WWOX: variants seen among roughly 807,000 people sequenced by gnomAD.
The protein encoded by WWOX is WW domain containing oxidoreductase.
Under a neutral mutation model 46.2 loss-of-function variants are expected in WWOX, and 69 were observed. That is an observed-to-expected ratio of 1.49 (90% CI 1.23 to 1.82). The LOEUF (loss-of-function observed/expected upper bound fraction) is 1.82, where lower values mean the gene tolerates loss of function less well. WWOX is among the 40% of genes most tolerant of loss of function. The pLI is 0.00. For synonymous variants in WWOX, 359 were observed against 202.6 expected (o/e 1.77, Z -6.56); for missense variants, 919 against 542.6 (o/e 1.69, Z -6.89).
intron 8 of WWOX, among the ~76,000 whole-genome samples, chr16:78,680,254 C>A (rs1009487739): frequency 2.0e-5 from 3 of 148,492 alleles, no homozygotes; most frequent in African/African-American, 7.9e-5. Flanking sequence ...GCAGAAAATA[C>A]AAAAATTAGC....
rs72795656 is a variant in WWOX, at chr16:79,068,383, C to G, written c.1057-143225C>G. Among the ~76,000 whole-genome samples the G allele has an allele frequency of 7.4e-3, 1,128 of 152,224 alleles. 8 individuals carry two copies. Among genetic ancestry groups the G allele is most frequent in the South Asian group, 0.015 (71 of 4,820 alleles). ...GAGTTGTTCAGTGGTAAGGTGCAGT[C>G]AGGACTTAAACCCGTGTTCCTGAGA... On this transcript the variant is annotated intron_variant, in intron 8 of 8. Coordinates refer to ENST00000566780, the MANE Select transcript of WWOX (RefSeq NM_016373.4).
At chr16:79,150,026 T>A (rs995634977) in intron 8 of WWOX, among the ~76,000 whole-genome samples, 1 of 152,176 alleles carries the variant, frequency 6.6e-6, no homozygotes, top group East Asian at 1.9e-4. Context: ...AAGAAGGAAA[T>A]GCTTTTCTGG....
chr16:78,544,052 G>A (rs1009637947), intron 8 of WWOX, among the ~76,000 whole-genome samples: 1 of 152,130 alleles, frequency 6.6e-6, no homozygotes, highest in African/African-American at 2.4e-5. Context: ...GGTTCCTAGA[G>A]TAGGAAAAGC....
At chr16:78,919,250 AC>A (rs537005009) in intron 8 of WWOX, among the ~76,000 whole-genome samples, 5 of 151,768 alleles carry the variant, frequency 3.3e-5, no homozygotes, top group South Asian at 4.2e-4. Context: ...TGGCAGAGAC[AC>A]CCCCCCACTC....
intron 8 of WWOX, among the ~76,000 whole-genome samples, chr16:78,903,488 G>T (rs970825833): frequency 6.6e-6 from 1 of 152,202 alleles, no homozygotes; most frequent in African/African-American, 2.4e-5. Context: ...GTTGCAAAAA[G>T]CAAAACCACT....
At chr16:79,072,112 A>G (rs1281546213) in intron 8 of WWOX, among the ~76,000 whole-genome samples, 1 of 152,088 alleles carries the variant, frequency 6.6e-6, no homozygotes, top group Admixed American at 6.6e-5. Context: ...GTGAGACTCC[A>G]TCTCTACAAA....
At chr16:78,719,852 G>C (rs2048650551) in intron 8 of WWOX, among the ~76,000 whole-genome samples, 1 of 152,076 alleles carries the variant, frequency 6.6e-6, no homozygotes, top group African/African-American at 2.4e-5. Flanking sequence ...GGGAAAGAAA[G>C]AAAACCCAGC....
chr16:79,034,761 G>T (rs947382159), intron 8 of WWOX, among the ~76,000 whole-genome samples: 2 of 151,586 alleles, frequency 1.3e-5, no homozygotes, highest in African/African-American at 4.8e-5. Context: ...CAAAGCACTT[G>T]CTTACTTGGA....
intron 8 of WWOX, among the ~76,000 whole-genome samples, chr16:78,860,910 G>T (rs2043870515): frequency 1.3e-5 from 2 of 152,116 alleles, no homozygotes; most frequent in South Asian, 2.1e-4. Context: ...CAACCTCCCA[G>T]GCCCAGGTGA....
At chr16:78,768,139 C>A (rs900874205) in intron 8 of WWOX, among the ~76,000 whole-genome samples, 1 of 132,646 alleles carries the variant, frequency 7.5e-6, no homozygotes, top group Non-Finnish European at 1.7e-5. Context: ...GATTTTGTCC[C>A]TTTTTTAGGC....
At chr16:79,024,733 C>T (rs1023285774) in intron 8 of WWOX, among the ~76,000 whole-genome samples, 4 of 152,116 alleles carry the variant, frequency 2.6e-5, no homozygotes, top group Non-Finnish European at 2.9e-5. Context: ...CCATGCCTGG[C>T]CCTGATTTTT....
intron 8 of WWOX, among the ~76,000 whole-genome samples, chr16:79,031,830 G>A (rs2047762112): frequency 7.3e-6 from 1 of 137,494 alleles, no homozygotes; most frequent in South Asian, 2.2e-4. Context: ...ATCTATATAT[G>A]ATATATATAT....
At chr16:78,919,385 C>G (rs771062297) in intron 8 of WWOX, among the ~76,000 whole-genome samples, 4 of 151,988 alleles carry the variant, frequency 2.6e-5, no homozygotes, top group Non-Finnish European at 5.9e-5. Flanking sequence ...CTAGAATTGT[C>G]TTTGTGTATT....
intron 8 of WWOX, among the ~76,000 whole-genome samples, chr16:78,521,958 G>A (rs2043357138): frequency 6.6e-6 from 1 of 152,016 alleles, no homozygotes; most frequent in Non-Finnish European, 1.5e-5. Context: ...AGTATTTGAA[G>A]CTCACAGCAG....
intron 8 of WWOX, among the ~76,000 whole-genome samples, chr16:78,707,091 T>G (rs1431043585): frequency 6.6e-6 from 1 of 152,222 alleles, no homozygotes; most frequent in Non-Finnish European, 1.5e-5. Flanking sequence ...GCTGGAATAA[T>G]TGACATCCAG....
intron 7 of WWOX, among the ~76,000 whole-genome samples, chr16:78,428,241 G>C (rs764681042): frequency 6.6e-6 from 1 of 152,212 alleles, no homozygotes; most frequent in Non-Finnish European, 1.5e-5. Flanking sequence ...GGCTTTGTCA[G>C]TTTGTCAACT....
chr16:78,906,381 T>G (rs1235599695), intron 8 of WWOX, among the ~76,000 whole-genome samples: 3 of 152,272 alleles, frequency 2.0e-5, no homozygotes, highest in Non-Finnish European at 4.4e-5. Flanking sequence ...AAATATAGCC[T>G]GATAAGGATT....
At chr16:79,037,745 T>G (rs1289688517) in intron 8 of WWOX, among the ~76,000 whole-genome samples, 1 of 152,106 alleles carries the variant, frequency 6.6e-6, no homozygotes, top group Non-Finnish European at 1.5e-5. Flanking sequence ...TGTTTGCATT[T>G]CTGGTGAAGT....
In WWOX at chr16:78,996,291, A is replaced by G. The variant is rs574937782; in HGVS notation, c.1057-215317A>G. 5.1e-6 allele frequency: 5 copies of G among 984,596 alleles called. No homozygotes were observed. The South Asian group carries it at 1.9e-4, about 37-fold the overall frequency. The allele number at this position is 984,596 out of a possible 1,614,324, so 61.0% of individuals were successfully genotyped here. A position where few individuals can be genotyped will look rare whatever the true frequency, so the allele number is the denominator to read the frequency against. The stretch of plus-strand genomic sequence containing the variant: ...TTTTCAGCTGGGTGCTCCCTGGAAG[A>G]TGGATCTTGCCTTGTGGATGTTTTT... On this transcript the variant is annotated intron_variant, in intron 8 of 8. Coordinates refer to ENST00000566780, the MANE Select transcript of WWOX (RefSeq NM_016373.4).
Sources: allele counts gnomAD v4.1 joint callset (sites outside exome capture counted in the v4.1 genomes callset), GRCh38; gene constraint gnomAD v4.1.1; transcripts MANE v1.5; gene names NCBI Gene and HGNC (gene_info 2026-07-23, HGNC 2026-07-21).